The following FAM193A variants were observed in gnomAD, a reference collection of about 807,000 sequenced individuals.
FAM193A encodes protein FAM193A.
In FAM193A, 22 loss-of-function variants were observed where a neutral mutation model predicts 126.5. The ratio of observed to expected loss-of-function variants is 0.17; its 90% confidence interval spans 0.12 to 0.25. FAM193A has a LOEUF of 0.25. Ranked by LOEUF, FAM193A falls within the 10% of genes least tolerant of loss-of-function variation. The pLI is 1.00. For synonymous variants in FAM193A, 761 were observed against 646.8 expected, an observed-to-expected ratio of 1.18 and a Z score of -2.68; for missense variants, 1,675 against 1,672.8, an observed-to-expected ratio of 1.00 and a Z score of -0.02.
At chr4:2,569,054 C>G (rs1395167108) in intron 1 of FAM193A, among the ~76,000 whole-genome samples, 2 of 142,480 alleles carry the variant, frequency 1.4e-5, no homozygotes, top group Non-Finnish European at 3.0e-5. Flanking sequence ...ACTGCAACCT[C>G]TGCCTCCTGG....
intron 18 of FAM193A, 30 bp from the exon 19 acceptor site, chr4:2,699,650 T>C (rs375950802): frequency 1.3e-6 from 2 of 1,568,136 alleles, no homozygotes; most frequent in African/African-American, 2.8e-5. Context: ...CTCACTGTAG[T>C]CTTAAATTGC....
intron 5 of FAM193A, among the ~76,000 whole-genome samples, chr4:2,637,621 C>T (rs1331310232): frequency 6.6e-6 from 1 of 152,214 alleles, no homozygotes; most frequent in Non-Finnish European, 1.5e-5. Context: ...CACTGACAAG[C>T]CTTTCTGCCT....
intron 19 of FAM193A, among the ~76,000 whole-genome samples, chr4:2,704,364 G>A (rs1718074326): frequency 6.6e-6 from 1 of 151,640 alleles, no homozygotes; most frequent in Admixed American, 6.6e-5. Flanking sequence ...TCAGAAGTTC[G>A]AGGCCAGCCT....
At chr4:2,649,760 A>G (rs1340233510) in intron 7 of FAM193A, among the ~76,000 whole-genome samples, 1 of 152,230 alleles carries the variant, frequency 6.6e-6, no homozygotes, top group Non-Finnish European at 1.5e-5. Context: ...GGTGCCCCAC[A>G]GAGCAGGGGT....
chr4:2,536,300 G>A (rs960702999), upstream of FAM193A, among the ~76,000 whole-genome samples: 1 of 151,580 alleles, frequency 6.6e-6, no homozygotes, highest in Admixed American at 6.6e-5. Flanking sequence ...ACGCCCAGAA[G>A]GCCGCGCGGC....
chr4:2,551,667 A>G (rs149024423), intron 1 of FAM193A, among the ~76,000 whole-genome samples: 50 of 151,930 alleles, frequency 3.3e-4, no homozygotes, highest in Non-Finnish European at 6.2e-4. Context: ...TTTACCTTTT[A>G]TTCTTCCTTG....
At position 2,592,557 on chromosome 4, in the gene FAM193A, G is replaced by C. The variant is rs756388993; in HGVS notation, c.256-3527G>C. Among the ~76,000 whole-genome samples, 101 of 152,204 alleles carry C rather than the reference G, an allele frequency of 6.6e-4. 2 individuals carry two copies. Among genetic ancestry groups the C allele is most frequent in the Non-Finnish European group, 1.8e-4 (12 of 68,040 alleles). On this transcript the variant is annotated intron_variant, in intron 1 of 20. Coordinates refer to ENST00000637812, the MANE Select transcript of FAM193A (RefSeq NM_001366318.2). ...TTGGCCCACAGGCAGGCAGGACAGT[G>C]ATCCCTGAGAGAAGAAGAATAACCG...
Position 2,653,366 on chromosome 4 carries a change from T to C in FAM193A, c.1312-4437T>C, listed in dbSNP as rs148085478. Among the ~76,000 whole-genome samples the C allele has an allele frequency of 1.4e-3, 208 of 152,356 alleles. 1 individual carries two copies. Among genetic ancestry groups the C allele is most frequent in the African/African-American group, 4.9e-3 (204 of 41,582 alleles). On this transcript the variant is annotated intron_variant, in intron 7 of 20. Transcript: ENST00000637812. Reference sequence around the variant, plus strand: ...TGTCACTTAAAAAGTAAAGTGTATTTCTTTAAAATTGCATGTTACATTGCT... The same window carrying C: ...TGTCACTTAAAAAGTAAAGTGTATTCCTTTAAAATTGCATGTTACATTGCT...
chr4:2,719,428 G>A (rs908370701), intron 20 of FAM193A, among the ~76,000 whole-genome samples: 3 of 152,244 alleles, frequency 2.0e-5, no homozygotes, highest in South Asian at 2.1e-4. Flanking sequence ...TCCCAGGAAC[G>A]CAAATAGTGT....
In FAM193A at chr4:2,558,597, T is replaced by C. The variant is rs371465581; in HGVS notation, c.255+21427T>C. Among the ~76,000 whole-genome samples, 58 of 152,248 alleles carry C rather than the reference T, an allele frequency of 3.8e-4. No homozygotes were observed. In the East Asian group the frequency reaches 8.5e-3, roughly 22 times the overall value. ...AGATCTTGTATGTTGCCTAGACTGGTCTCAAACTGTTGGCCTCAAGCAATC... is the reference window on the plus strand; with the variant it reads ...AGATCTTGTATGTTGCCTAGACTGGCCTCAAACTGTTGGCCTCAAGCAATC... On this transcript the variant is annotated intron_variant, in intron 1 of 20. Coordinates refer to ENST00000637812, the MANE Select transcript of FAM193A (RefSeq NM_001366318.2).
intron 20 of FAM193A, among the ~76,000 whole-genome samples, chr4:2,729,378 A>G (rs1479183268): frequency 3.9e-5 from 6 of 152,094 alleles, no homozygotes; most frequent in Admixed American, 3.3e-4. Context: ...CAAGGGAGGA[A>G]TTGGGAGAAG....
chr4:2,576,745 A>G (rs1332113048), intron 1 of FAM193A, among the ~76,000 whole-genome samples: 1 of 152,232 alleles, frequency 6.6e-6, no homozygotes, highest in Non-Finnish European at 1.5e-5. Flanking sequence ...TGTTCTAAAC[A>G]TCTATATATG....
chr4:2,588,883 AACTTT>A (rs751094637), intron 1 of FAM193A, among the ~76,000 whole-genome samples: 1 of 152,226 alleles, frequency 6.6e-6, no homozygotes, highest in African/African-American at 2.4e-5. Context: ...TTAGTAGATT[AACTTT>A]ACTTTAAAGA....
chr4:2,720,260 A>ATT (rs892909217), intron 20 of FAM193A, among the ~76,000 whole-genome samples: 3 of 152,208 alleles, frequency 2.0e-5, no homozygotes, highest in Non-Finnish European at 4.4e-5. Flanking sequence ...CTAAAAATCA[A>ATT]TTTTACAGGT....
chr4:2,708,400 C>T (rs974120420), intron 19 of FAM193A: 3 of 163,090 alleles, frequency 1.8e-5, no homozygotes, highest in Non-Finnish European at 2.7e-5. Context: ...GCTGGAATTA[C>T]AGGCGTGAGC....
intron 2 of FAM193A, among the ~76,000 whole-genome samples, chr4:2,611,031 C>G (rs1741839345): frequency 6.6e-6 from 1 of 152,032 alleles, no homozygotes; most frequent in Non-Finnish European, 1.5e-5. Flanking sequence ...GCCACCGTGC[C>G]CGGCCGAGTA....
chr4:2,661,205 C>T (rs1472330486), intron 10 of FAM193A, among the ~76,000 whole-genome samples: 1 of 152,164 alleles, frequency 6.6e-6, no homozygotes, highest in Non-Finnish European at 1.5e-5. Context: ...GTTCTCGGGA[C>T]ATCTGGGCCT....
chr4:2,569,512 C>G (rs773532172), intron 1 of FAM193A, among the ~76,000 whole-genome samples: 6 of 151,956 alleles, frequency 3.9e-5, no homozygotes, highest in Non-Finnish European at 8.8e-5. Flanking sequence ...AAAACAAATT[C>G]TTTTTGAGAC....
intron 1 of FAM193A, among the ~76,000 whole-genome samples, chr4:2,558,308 C>T (rs1376941296): frequency 1.3e-5 from 2 of 151,388 alleles, no homozygotes; most frequent in Non-Finnish European, 2.9e-5. Flanking sequence ...AAATAGTGTA[C>T]TACAATCTAA....
Sources: gnomAD v4.1 joint callset for allele counts (sites outside exome capture counted in the v4.1 genomes callset) on GRCh38, gnomAD v4.1.1 for gene constraint, MANE v1.5 for transcripts, NCBI Gene and HGNC (gene_info 2026-07-23, HGNC 2026-07-21) for gene names.